The following HTR2C variants were observed in gnomAD, a reference collection of about 807,000 sequenced individuals.
The protein encoded by HTR2C is 5-hydroxytryptamine (serotonin) receptor 2C, G protein-coupled.
HTR2C carries 5 observed loss-of-function variants against 21.0 expected under a neutral mutation model. The ratio of observed to expected loss-of-function variants is 0.24; its 90% CI spans 0.12 to 0.50. The LOEUF (loss-of-function observed/expected upper bound fraction) is 0.50, where lower values mean the gene tolerates loss of function less well. Ranked by LOEUF, HTR2C falls within the 20% of genes least tolerant of loss-of-function variation. The probability of loss-of-function intolerance (pLI) is 0.98; values close to 1 mark genes in which losing one functional copy is unlikely to be tolerated. For missense variants in HTR2C, 271 were observed against 371.2 expected, an observed-to-expected ratio of 0.73 and a Z score of 2.22; for synonymous variants, 150 against 145.3, an observed-to-expected ratio of 1.03 and a Z score of -0.23.
intron 2 of HTR2C, among the ~76,000 whole-genome samples, chrX:114,721,778 C>T (rs1265847607): frequency 9.0e-6 from 1 of 111,115 alleles, no homozygotes; most frequent in African/African-American, 3.3e-5. Flanking sequence ...ATAGGGAATC[C>T]TTTCCCCATT....
intron 4 of HTR2C, among the ~76,000 whole-genome samples, chrX:114,802,155 A>G (rs941990132): frequency 9.0e-6 from 1 of 111,189 alleles, no homozygotes; most frequent in Non-Finnish European, 1.9e-5. Flanking sequence ...GAGGCACCGT[A>G]ATTTTGGAAT....
intron 2 of HTR2C, among the ~76,000 whole-genome samples, chrX:114,708,312 A>G (rs1932835304): frequency 8.9e-6 from 1 of 112,110 alleles, no homozygotes; most frequent in Admixed American, 9.6e-5. Context: ...AAGATTAAAT[A>G]AGTTACCCAA....
At chrX:114,721,569 G>A (rs1194649823) in intron 2 of HTR2C, among the ~76,000 whole-genome samples, 2 of 104,958 alleles carry the variant, frequency 1.9e-5, no homozygotes, top group African/African-American at 3.5e-5. Flanking sequence ...TGCTTTTGGT[G>A]TTTTGGACAT....
chrX:114,680,600 T>C (rs1931713098), intron 2 of HTR2C, among the ~76,000 whole-genome samples: 2 of 111,661 alleles, frequency 1.8e-5, no homozygotes, highest in South Asian at 7.5e-4. Context: ...TGTACAGATT[T>C]TTCTTGGTCT....
chrX:114,732,027 TA>T lies in HTR2C; in HGVS notation c.349+423del, dbSNP rs781947235. ...AAATATATTTTAAGAAATCCTTTTTTAAAGCTGCCAAACTAAGTGGTTGACA... is the reference window on the plus strand; with the variant it reads ...AAATATATTTTAAGAAATCCTTTTTTAAGCTGCCAAACTAAGTGGTTGACA... On this transcript the variant is annotated intron_variant, in intron 4 of 5. Coordinates refer to ENST00000276198, the MANE Select transcript of HTR2C (RefSeq NM_000868.4). Among the ~76,000 whole-genome samples, 3 of 111,719 alleles carry T rather than the reference TA, an allele frequency of 2.7e-5. No homozygotes were observed. The East Asian group carries it at 8.4e-4, about 31-fold the overall frequency.
chrX:114,833,472 TC>T (rs1359645823), intron 4 of HTR2C, among the ~76,000 whole-genome samples: 1 of 111,887 alleles, frequency 8.9e-6, no homozygotes, highest in Non-Finnish European at 1.9e-5. Flanking sequence ...TGCTAGATTT[TC>T]TAGTTTATTT....
At chrX:114,780,602 C>T (rs1351805180) in intron 4 of HTR2C, among the ~76,000 whole-genome samples, 1 of 111,267 alleles carries the variant, frequency 9.0e-6, no homozygotes, top group Non-Finnish European at 1.9e-5. Flanking sequence ...GTAAACCTGT[C>T]CCTGATCATT....
At chrX:114,645,698 T>C (rs1244890961) in intron 2 of HTR2C, among the ~76,000 whole-genome samples, 2 of 111,623 alleles carry the variant, frequency 1.8e-5, no homozygotes, top group African/African-American at 6.5e-5. Context: ...AAAAGGCAAG[T>C]TGATAAAAAT....
At chrX:114,880,911 T>A (rs1405424108) in intron 5 of HTR2C, among the ~76,000 whole-genome samples, 4 of 111,455 alleles carry the variant, frequency 3.6e-5, no homozygotes, top group Admixed American at 9.5e-5. Flanking sequence ...TAAATACTTG[T>A]TTTAATTCTC....
chrX:114,758,162 GAA>G (rs2069832001), intron 4 of HTR2C, among the ~76,000 whole-genome samples: 1 of 111,449 alleles, frequency 9.0e-6, no homozygotes, highest in South Asian at 3.7e-4. Context: ...TTGTTCATTG[GAA>G]AAGACAATAT....
chrX:114,742,728 T>A lies in HTR2C; in HGVS notation c.349+11121T>A, dbSNP rs1277461677. 8.6e-3 allele frequency among the ~76,000 whole-genome samples: 429 copies of A among 49,850 alleles called. 3 individuals are homozygous for A. The highest frequency in any genetic ancestry group is 0.023 in the African/African-American group (276 of 11,870). The allele number at this position is 49,850 out of a possible 115,157, so 43.3% of individuals were successfully genotyped here. ...CAGCTACTGTTTTTTTTTTTTTTAATTTTTTTTTTTTTTATTATACTCTAA... is the reference window on the plus strand; with the variant it reads ...CAGCTACTGTTTTTTTTTTTTTTAAATTTTTTTTTTTTTATTATACTCTAA... On this transcript the variant is annotated intron_variant, in intron 4 of 5. Transcript: ENST00000276198.
intron 4 of HTR2C, among the ~76,000 whole-genome samples, chrX:114,800,200 G>C (rs2070332455): frequency 9.0e-6 from 1 of 110,750 alleles, no homozygotes; most frequent in South Asian, 3.8e-4. Context: ...GGAAAAGGTG[G>C]GTAGATGTTA....
At chrX:114,683,323 C>A (rs372347555) in intron 2 of HTR2C, among the ~76,000 whole-genome samples, 3 of 111,300 alleles carry the variant, frequency 2.7e-5, no homozygotes, top group East Asian at 5.6e-4. Flanking sequence ...TCATACAAAA[C>A]AAACACATTC....
intron 4 of HTR2C, among the ~76,000 whole-genome samples, chrX:114,801,258 C>G (rs1056542635): frequency 9.0e-6 from 1 of 111,320 alleles, no homozygotes; most frequent in Admixed American, 9.6e-5. Flanking sequence ...CATGTTCTCC[C>G]AAGGTTCATC....
In HTR2C at chrX:114,633,799, G is replaced by A. The variant is rs957259343; in HGVS notation, c.-80+19918G>A. Among the ~76,000 whole-genome samples the A allele has an allele frequency of 1.1e-3, 119 of 109,379 alleles. 1 individual carries two copies. The highest frequency in any genetic ancestry group is 3.8e-3 in the African/African-American group (114 of 30,163). 95.0% of individuals were successfully genotyped at this position (109,379 alleles called of 115,157 possible). ...TCTATATATATATACACATATATGT[G>A]TGAATGTACACATATATATGTGTGT... On this transcript the variant is annotated intron_variant, in intron 2 of 5. Coordinates refer to ENST00000276198, the MANE Select transcript of HTR2C (RefSeq NM_000868.4).
At chrX:114,799,756 G>A (rs960807169) in intron 4 of HTR2C, among the ~76,000 whole-genome samples, 3 of 110,467 alleles carry the variant, frequency 2.7e-5, no homozygotes, top group African/African-American at 9.8e-5. Context: ...ATAAGTCCAC[G>A]TCAGTGTTTT....
intron 4 of HTR2C, among the ~76,000 whole-genome samples, chrX:114,805,874 T>C (rs1255969169): frequency 1.9e-4 from 2 of 10,289 alleles, no homozygotes; most frequent in Admixed American, 3.8e-3. Context: ...ACCATATATA[T>C]ACACCATATG....
intron 1 of HTR2C, among the ~76,000 whole-genome samples, chrX:114,599,799 G>A (rs1224013109): frequency 8.9e-6 from 1 of 112,180 alleles, no homozygotes; most frequent in Non-Finnish European, 1.9e-5. Context: ...TCACTGAGGT[G>A]TGCACAAAGG....
At chrX:114,838,794 C>T (rs1287157278) in intron 4 of HTR2C, among the ~76,000 whole-genome samples, 1 of 112,005 alleles carries the variant, frequency 8.9e-6, no homozygotes, top group Non-Finnish European at 1.9e-5. Context: ...ATTGCTGGCT[C>T]ACATAATTCC....
Sources: allele counts gnomAD v4.1 joint callset (sites outside exome capture counted in the v4.1 genomes callset), GRCh38; gene constraint gnomAD v4.1.1; transcripts MANE v1.5; gene names NCBI Gene and HGNC (gene_info 2026-07-23, HGNC 2026-07-21).